The following RAD51B variants were observed in gnomAD, a reference collection of about 807,000 sequenced individuals.
RAD51B encodes the protein DNA repair protein RAD51 homolog 2.
In RAD51B, 38 loss-of-function variants were observed where a neutral mutation model predicts 42.2. The ratio of observed to expected loss-of-function variants is 0.90; its 90% CI spans 0.70 to 1.18. The LOEUF (loss-of-function observed/expected upper bound fraction) is 1.18. RAD51B is among the 50% of genes most tolerant of loss of function. The pLI, the probability that RAD51B is intolerant of heterozygous loss-of-function variation, is 0.00. For missense variants in RAD51B, 373 were observed against 400.7 expected (o/e 0.93, Z 0.59); for synonymous variants, 154 against 145.2 (o/e 1.06, Z -0.43).
intron 9 of RAD51B, among the ~76,000 whole-genome samples, chr14:68,440,210 TTC>T (rs1331242083): frequency 1.3e-5 from 2 of 152,250 alleles, no homozygotes; most frequent in Non-Finnish European, 2.9e-5. Flanking sequence ...AATTGGAGCA[TTC>T]TGAGTTTTTT....
intron 7 of RAD51B, among the ~76,000 whole-genome samples, chr14:67,904,190 A>G (rs984426068): frequency 2.6e-5 from 4 of 152,012 alleles, no homozygotes; most frequent in African/African-American, 9.7e-5. Context: ...TGTCTTTGCT[A>G]TTGTGAATAG....
intron 8 of RAD51B, among the ~76,000 whole-genome samples, chr14:68,352,909 G>A (rs184055200): frequency 2.3e-3 from 348 of 152,198 alleles, no homozygotes; most frequent in African/African-American, 7.9e-3. Flanking sequence ...TGGCACGGTC[G>A]GGGGAAGGGT....
At chr14:67,972,399 G>A (rs761909580) in intron 7 of RAD51B, among the ~76,000 whole-genome samples, 10 of 152,010 alleles carry the variant, frequency 6.6e-5, no homozygotes, top group Non-Finnish European at 1.5e-4. Flanking sequence ...GCTGGGAAGG[G>A]CCTAGACTTT....
At chr14:68,207,555 A>G (rs147289232) in intron 7 of RAD51B, among the ~76,000 whole-genome samples, 31 of 152,372 alleles carry the variant, frequency 2.0e-4, no homozygotes, top group Admixed American at 3.3e-4. Context: ...TAAGAAAAAG[A>G]TACTAAAAGA....
chr14:68,488,367 C>CA (rs998159018), intron 10 of RAD51B, among the ~76,000 whole-genome samples: 3 of 152,118 alleles, frequency 2.0e-5, no homozygotes, highest in African/African-American at 7.2e-5. Flanking sequence ...CAGTTACTGA[C>CA]AAAGACTCTC....
intron 7 of RAD51B, among the ~76,000 whole-genome samples, chr14:67,917,173 A>G (rs1430727995): frequency 6.6e-6 from 1 of 152,232 alleles, no homozygotes; most frequent in Non-Finnish European, 1.5e-5. Context: ...CCTAGGCAAC[A>G]GATTTTCTTA....
intron 7 of RAD51B, among the ~76,000 whole-genome samples, chr14:68,240,203 A>G (rs1009611207): frequency 3.9e-5 from 6 of 152,046 alleles, no homozygotes; most frequent in African/African-American, 1.4e-4. Context: ...CATTGTGTCT[A>G]TTTGGAGCCC....
intron 4 of RAD51B, among the ~76,000 whole-genome samples, chr14:67,844,363 A>G (rs1041643356): frequency 8.6e-5 from 13 of 151,744 alleles, no homozygotes; most frequent in Admixed American, 8.5e-4. Context: ...GATGTCTATT[A>G]GGTTCATTTG....
chr14:68,399,700 T>A (rs1414280289), intron 8 of RAD51B, among the ~76,000 whole-genome samples: 1 of 152,200 alleles, frequency 6.6e-6, no homozygotes, highest in Non-Finnish European at 1.5e-5. Flanking sequence ...TATCCTTTCA[T>A]CCCCAAATAC....
intron 7 of RAD51B, among the ~76,000 whole-genome samples, chr14:68,277,474 G>GTTT (rs1265994136): frequency 1.3e-5 from 2 of 152,176 alleles, no homozygotes; most frequent in East Asian, 3.9e-4. Flanking sequence ...ATGAGATATG[G>GTTT]AGTCAGACTT....
chr14:68,658,598 A>G (rs1244754682), intron 11 of RAD51B, among the ~76,000 whole-genome samples: 1 of 152,210 alleles, frequency 6.6e-6, no homozygotes, highest in Admixed American at 6.5e-5. Context: ...AATAGGACGG[A>G]ATGAACTACA....
chr14:68,657,571 C>T (rs1892842385), intron 11 of RAD51B, among the ~76,000 whole-genome samples: 1 of 152,196 alleles, frequency 6.6e-6, no homozygotes, highest in Non-Finnish European at 1.5e-5. Context: ...GCTGATAGTC[C>T]ATCTATTAGG....
At chr14:67,864,168 C>A (rs1360164007) in intron 4 of RAD51B, among the ~76,000 whole-genome samples, 1 of 152,280 alleles carries the variant, frequency 6.6e-6, no homozygotes, top group East Asian at 1.9e-4. Flanking sequence ...TCCCACCAGG[C>A]CCCCTCCTCC....
chr14:67,966,373 C>T (rs1251613463), intron 7 of RAD51B, among the ~76,000 whole-genome samples: 2 of 152,192 alleles, frequency 1.3e-5, no homozygotes. Context: ...CCTAGTCATG[C>T]TTCTCCCTAA....
intron 7 of RAD51B, among the ~76,000 whole-genome samples, chr14:68,151,763 T>G (rs553670503): frequency 8.6e-5 from 13 of 151,524 alleles, no homozygotes; most frequent in African/African-American, 3.1e-4. Flanking sequence ...ACTAGAAATT[T>G]GATTTGGGTA....
At chr14:67,835,955 A>G (rs2041228297) in intron 4 of RAD51B, among the ~76,000 whole-genome samples, 1 of 152,190 alleles carries the variant, frequency 6.6e-6, no homozygotes, top group Non-Finnish European at 1.5e-5. Context: ...ACAATTTGAA[A>G]TTTTATTAAC....
chr14:68,459,615 C>T (rs375232300), intron 9 of RAD51B, among the ~76,000 whole-genome samples: 14 of 152,284 alleles, frequency 9.2e-5, no homozygotes, highest in African/African-American at 3.1e-4. Flanking sequence ...TCAACGACCA[C>T]GTAATCTTGC....
chr14:68,370,660 A>G (rs2083235191), intron 8 of RAD51B, among the ~76,000 whole-genome samples: 1 of 152,160 alleles, frequency 6.6e-6, no homozygotes, highest in Admixed American at 6.5e-5. Context: ...GGGGTGTGGT[A>G]TAGGGGATGG....
chr14:68,344,776 T>A lies in RAD51B; in HGVS notation c.853+52796T>A, dbSNP rs542734169. 7.8e-4 allele frequency among the ~76,000 whole-genome samples: 118 copies of A among 150,658 alleles called. 3 individuals are homozygous for A. In the South Asian group the frequency reaches 0.024, roughly 30 times the overall value. On this transcript the variant is annotated intron_variant, in intron 8 of 10. Transcript: ENST00000471583. Reference sequence around the variant, plus strand: ...GTCTGGCCAACATGATGAAACCCAGTCTCTACTAAAAATACAAAAAACTAG... The same window carrying A: ...GTCTGGCCAACATGATGAAACCCAGACTCTACTAAAAATACAAAAAACTAG...
Sources: gnomAD v4.1 joint callset for allele counts (sites outside exome capture counted in the v4.1 genomes callset) on GRCh38, gnomAD v4.1.1 for gene constraint, MANE v1.5 for transcripts, NCBI Gene and HGNC (gene_info 2026-07-23, HGNC 2026-07-21) for gene names.